STK32B: variants seen among roughly 807,000 people sequenced by gnomAD.
The protein encoded by STK32B is serine/threonine kinase 32B, also known as serine/threonine-protein kinase 32B.
STK32B carries 43 observed loss-of-function variants against 52.6 expected under a neutral mutation model. The observed-to-expected ratio is 0.82, with a 90% confidence interval of 0.64 to 1.05. The LOEUF is 1.05. Among genes scored for constraint, STK32B ranks in the 50% least tolerant of loss-of-function variants. STK32B has a pLI of 0.00. For missense variants in STK32B, 621 were observed against 534.6 expected (o/e 1.16, Z -1.59); for synonymous variants, 238 against 204.3 (o/e 1.17, Z -1.41).
At chr4:5,071,326 C>T (rs1711759599) in intron 1 of STK32B, among the ~76,000 whole-genome samples, 2 of 152,272 alleles carry the variant, frequency 1.3e-5, no homozygotes, top group African/African-American at 4.8e-5. Flanking sequence ...TACTTTTAAC[C>T]ACTATACATT....
At chr4:5,315,970 G>T (rs1467965587) in intron 3 of STK32B, among the ~76,000 whole-genome samples, 2 of 150,388 alleles carry the variant, frequency 1.3e-5, no homozygotes, top group African/African-American at 4.9e-5. Flanking sequence ...CTCCCAAATT[G>T]CTGGGAGTAT....
chr4:5,485,533 C>T (rs984995695), intron 11 of STK32B, among the ~76,000 whole-genome samples: 1 of 152,158 alleles, frequency 6.6e-6, no homozygotes, highest in Admixed American at 6.5e-5. Flanking sequence ...TGGGCTCAAA[C>T]TTCCTCCTTT....
Position 5,366,081 on chromosome 4 carries a change from C to G in STK32B, c.435-32126C>G, listed in dbSNP as rs957594535. On this transcript the variant is annotated intron_variant, in intron 4 of 11. Coordinates refer to ENST00000282908, the MANE Select transcript of STK32B (RefSeq NM_018401.3). The stretch of plus-strand genomic sequence containing the variant: ...GAACCTACTTACAAAAGAAACTAGG[C>G]CAACCTGTCAATGGAAAGAGAGCAG... 2.0e-5 allele frequency among the ~76,000 whole-genome samples: 3 copies of G among 152,234 alleles called. No individual in the cohort carries two copies. The East Asian group carries it at 5.8e-4, about 29-fold the overall frequency.
At position 5,378,178 on chromosome 4, in the gene STK32B, C is replaced by T. The variant is rs1735700636; in HGVS notation, c.435-20029C>T. Among the ~76,000 whole-genome samples the T allele has an allele frequency of 6.6e-6, 1 of 152,194 alleles. No homozygotes were observed. The highest frequency in any genetic ancestry group is 1.5e-5 in the Non-Finnish European group (1 of 68,030). Reference sequence around the variant, plus strand: ...CGTCTGTCTGAGTGTTCATTCATGTCCAGTCCAGTAGCGCCCACTGGTGAC... The same window carrying T: ...CGTCTGTCTGAGTGTTCATTCATGTTCAGTCCAGTAGCGCCCACTGGTGAC... On this transcript the variant is annotated intron_variant, in intron 4 of 11. Transcript: ENST00000282908. This position sits in a 1 kb window ranked among gnomAD's most constrained non-coding sequence, Gnocchi z 4.4.
intron 3 of STK32B, among the ~76,000 whole-genome samples, chr4:5,219,354 C>T (rs957934319): frequency 8.5e-5 from 13 of 152,184 alleles, no homozygotes; most frequent in African/African-American, 2.2e-4. Context: ...ACCCAGCAAA[C>T]GTGGGCCTGA....
At chr4:5,485,473 C>G (rs1330076812) in intron 11 of STK32B, among the ~76,000 whole-genome samples, 1 of 152,148 alleles carries the variant, frequency 6.6e-6, no homozygotes. Context: ...ATTGGTTATT[C>G]TACTTAGCCA....
At chr4:5,321,908 A>G (rs191931968) in intron 3 of STK32B, among the ~76,000 whole-genome samples, 63 of 151,788 alleles carry the variant, frequency 4.2e-4, no homozygotes, top group African/African-American at 1.5e-3. Context: ...GCGTCCTTCG[A>G]CTTCCTGGGA....
chr4:5,088,301 A>T (rs903779120), intron 1 of STK32B, among the ~76,000 whole-genome samples: 3 of 152,082 alleles, frequency 2.0e-5, no homozygotes, highest in Non-Finnish European at 4.4e-5. Context: ...AAACAATTGA[A>T]CTCATGGACA....
At chr4:5,407,619 T>C (rs998343214) in intron 5 of STK32B, among the ~76,000 whole-genome samples, 7 of 151,612 alleles carry the variant, frequency 4.6e-5, no homozygotes, top group African/African-American at 1.7e-4. Context: ...GAAGGGGAAG[T>C]AAGTAGGTCC....
At chr4:5,454,151 G>A (rs1716286964) in intron 7 of STK32B, among the ~76,000 whole-genome samples, 1 of 152,120 alleles carries the variant, frequency 6.6e-6, no homozygotes, top group Non-Finnish European at 1.5e-5. Flanking sequence ...CTCATGCCGG[G>A]CCCCATCTAC....
chr4:5,370,996 G>A (rs561003566), intron 4 of STK32B, among the ~76,000 whole-genome samples: 5 of 141,062 alleles, frequency 3.5e-5, no homozygotes, highest in Admixed American at 7.0e-5. Context: ...GTGTGTGTGT[G>A]TATATATATA....
chr4:5,081,110 T>A (rs1560141365), intron 1 of STK32B, among the ~76,000 whole-genome samples: 1 of 152,218 alleles, frequency 6.6e-6, no homozygotes, highest in Non-Finnish European at 1.5e-5. Context: ...TCATTCATGT[T>A]GTAGCAAATG....
intron 4 of STK32B, among the ~76,000 whole-genome samples, chr4:5,354,412 T>TA (rs1480467993): frequency 6.6e-6 from 1 of 152,198 alleles, no homozygotes; most frequent in Non-Finnish European, 1.5e-5. Context: ...ATTACAGGCA[T>TA]ATGCCACCAC....
At chr4:5,490,255 T>G (rs1045126250) in intron 11 of STK32B, among the ~76,000 whole-genome samples, 1 of 151,978 alleles carries the variant, frequency 6.6e-6, no homozygotes, top group Non-Finnish European at 1.5e-5. Context: ...TACAGGTGTG[T>G]GCCACCATGC....
At chr4:5,206,870 A>C (rs1722606698) in intron 3 of STK32B, among the ~76,000 whole-genome samples, 1 of 152,124 alleles carries the variant, frequency 6.6e-6, no homozygotes. Context: ...TACTTATGCA[A>C]ATCATTATTT....
chr4:5,080,271 A>C (rs1712337735), intron 1 of STK32B, among the ~76,000 whole-genome samples: 1 of 151,480 alleles, frequency 6.6e-6, no homozygotes, highest in Non-Finnish European at 1.5e-5. Context: ...TTTCCCCGTC[A>C]CTCTCTTGTG....
intron 2 of STK32B, among the ~76,000 whole-genome samples, chr4:5,145,031 G>A (rs905517676): frequency 6.6e-6 from 1 of 152,190 alleles, no homozygotes; most frequent in Non-Finnish European, 1.5e-5. Flanking sequence ...GGGATGGAGT[G>A]GAGGATGCCT....
At chr4:5,490,145 C>T (rs1024554744) in intron 11 of STK32B, among the ~76,000 whole-genome samples, 1 of 150,594 alleles carries the variant, frequency 6.6e-6, no homozygotes, top group Non-Finnish European at 1.5e-5. Flanking sequence ...CTCACTCTGC[C>T]ACCCAGGCTG....
At chr4:5,387,279 T>G (rs1044652549) in intron 4 of STK32B, among the ~76,000 whole-genome samples, 4 of 152,176 alleles carry the variant, frequency 2.6e-5, no homozygotes, top group Non-Finnish European at 4.4e-5. Flanking sequence ...CAGTGTCTGT[T>G]GAACACCTGC....
Sources: allele counts gnomAD v4.1 joint callset (sites outside exome capture counted in the v4.1 genomes callset), GRCh38; gene constraint gnomAD v4.1.1; non-coding constraint Gnocchi (gnomAD v3.1); transcripts MANE v1.5; gene names NCBI Gene and HGNC (gene_info 2026-07-23, HGNC 2026-07-21).